The following GRID1 variants were observed in gnomAD, a reference collection of about 807,000 sequenced individuals.
GRID1 encodes glutamate receptor ionotropic, delta-1.
A neutral mutation model predicts 98.0 loss-of-function variants in GRID1; 28 were observed. The observed-to-expected ratio is 0.29, with a 90% CI of 0.21 to 0.39. The LOEUF (loss-of-function observed/expected upper bound fraction) is 0.39. Ranked by LOEUF, GRID1 falls within the 10% of genes least tolerant of loss-of-function variation. The pLI, the probability that GRID1 is intolerant of heterozygous loss-of-function variation, is 1.00. For synonymous variants in GRID1, 553 were observed against 538.5 expected, an observed-to-expected ratio of 1.03 and a Z score of -0.37; for missense variants, 1,111 against 1,340.5, an observed-to-expected ratio of 0.83 and a Z score of 2.67.
chr10:85,958,241 A>G (rs1842220009), intron 4 of GRID1, among the ~76,000 whole-genome samples: 1 of 152,214 alleles, frequency 6.6e-6, no homozygotes, highest in Middle Eastern at 3.2e-3. Context: ...ATGGCACCAT[A>G]ATCTCCTCAA....
chr10:85,737,300 C>T (rs1439773596), intron 8 of GRID1, among the ~76,000 whole-genome samples: 1 of 152,044 alleles, frequency 6.6e-6, no homozygotes, highest in Non-Finnish European at 1.5e-5. Context: ...CTATCATATA[C>T]AGGGGCTTTT....
In GRID1 at chr10:85,984,011, G is replaced by A. The variant is rs116501717; in HGVS notation, c.727-67772C>T. On this transcript the variant is annotated intron_variant, in intron 4 of 15. Transcript: ENST00000327946. ...TCCTCCATCTCCTCTGGACACGTGA[G>A]TGTCAGCCTGTCTCCTCCCCACCCT... Among the ~76,000 whole-genome samples the A allele has an allele frequency of 8.3e-3, 1,257 of 152,160 alleles. 23 individuals carry two copies. The highest frequency in any genetic ancestry group is 0.028 in the African/African-American group (1,176 of 41,510).
chr10:85,997,620 A>C (rs1419408712), intron 4 of GRID1, among the ~76,000 whole-genome samples: 1 of 152,196 alleles, frequency 6.6e-6, no homozygotes, highest in African/African-American at 2.4e-5. Context: ...AAGGAATGGT[A>C]AAAAATGTTT....
chr10:86,232,950 A>T (rs1846479403), intron 2 of GRID1, among the ~76,000 whole-genome samples: 1 of 152,202 alleles, frequency 6.6e-6, no homozygotes, highest in South Asian at 2.1e-4. Context: ...CTAATAAAAA[A>T]ATCAGGCATC....
At chr10:85,874,368 C>A (rs1487097047) in intron 5 of GRID1, among the ~76,000 whole-genome samples, 1 of 152,108 alleles carries the variant, frequency 6.6e-6, no homozygotes, top group Non-Finnish European at 1.5e-5. Flanking sequence ...CTTGCCTACA[C>A]CTGATATTGT....
chr10:85,634,249 CCTCTCTCTCT>C lies in GRID1; in HGVS notation c.2193+12943_2193+12952del, dbSNP rs775506130. 1.1e-3 allele frequency among the ~76,000 whole-genome samples: 103 copies of C among 92,376 alleles called. 1 individual carries two copies. The highest frequency in any genetic ancestry group is 3.0e-3 in the Admixed American group (23 of 7,656). The allele number at this position is 92,376 out of a possible 152,430, so 60.6% of individuals were successfully genotyped here. ...ATTCCTGCACAGCCCTGATGGGGCA[CCTCTCTCTCT>C]CTCTCTCTCTCTCTCTCTCTCTCTC... On this transcript the variant is annotated intron_variant, in intron 13 of 15. Transcript: ENST00000327946.
chr10:85,634,289 T>TCA (rs1454786709), intron 13 of GRID1, among the ~76,000 whole-genome samples: 8 of 120,062 alleles, frequency 6.7e-5, no homozygotes, highest in South Asian at 2.5e-4. Flanking sequence ...TCTCTCTCTC[T>TCA]CTCACACACA....
chr10:86,222,780 G>A (rs539914272), intron 2 of GRID1, among the ~76,000 whole-genome samples: 4 of 152,272 alleles, frequency 2.6e-5, no homozygotes, highest in South Asian at 4.1e-4. Context: ...CACAGAGCCC[G>A]AGCACTTCCC....
chr10:85,736,923 G>A (rs1181329437), intron 8 of GRID1, among the ~76,000 whole-genome samples: 1 of 152,116 alleles, frequency 6.6e-6, no homozygotes, highest in Admixed American at 6.6e-5. Flanking sequence ...TGGTAGCCAG[G>A]ATTCCTGAAG....
intron 2 of GRID1, among the ~76,000 whole-genome samples, chr10:86,316,825 G>A (rs904346059): frequency 6.6e-6 from 1 of 152,170 alleles, no homozygotes; most frequent in Non-Finnish European, 1.5e-5. Flanking sequence ...GCTTTTATAT[G>A]ATTTTCCATG....
At chr10:86,064,480 C>T (rs1355346817) in intron 4 of GRID1, among the ~76,000 whole-genome samples, 1 of 152,210 alleles carries the variant, frequency 6.6e-6, no homozygotes, top group East Asian at 1.9e-4. Flanking sequence ...ATCAGAACTC[C>T]GCATGGCTCC....
intron 8 of GRID1, among the ~76,000 whole-genome samples, chr10:85,804,419 T>A (rs1441679062): frequency 1.3e-5 from 2 of 151,938 alleles, no homozygotes; most frequent in African/African-American, 4.8e-5. Context: ...CAGGTCTACA[T>A]GGCTTTACAC....
intron 4 of GRID1, among the ~76,000 whole-genome samples, chr10:85,937,769 T>C (rs7893906): frequency 0.39 from 58,855 of 151,822 alleles, 11,690 homozygotes; most frequent in Non-Finnish European, 0.44. Flanking sequence ...GGGTCAAGGG[T>C]ATCAAATGGG....
At chr10:86,171,244 C>G (rs1845482813) in intron 3 of GRID1, among the ~76,000 whole-genome samples, 1 of 152,186 alleles carries the variant, frequency 6.6e-6, no homozygotes, top group Admixed American at 6.5e-5. Flanking sequence ...CCTTCTCAAG[C>G]TCAAGAGAAC....
rs776423859 is a variant in GRID1 at position 86,206,316 on chromosome 10, G to T, written c.520+48C>A. 1.3e-5 allele frequency: 20 copies of T among 1,546,044 alleles called. 1 individual carries two copies. In the South Asian group the frequency reaches 2.2e-4, roughly 17 times the overall value. ...CCACTCTCAGGTCTCCCAGCATCTGGCCATCCCTGTCCCCAAGCAGCCCCA... is the reference window on the plus strand; with the variant it reads ...CCACTCTCAGGTCTCCCAGCATCTGTCCATCCCTGTCCCCAAGCAGCCCCA... On this transcript the variant is annotated intron_variant, in intron 3 of 15. Coordinates refer to ENST00000327946, the MANE Select transcript of GRID1 (RefSeq NM_017551.3). The surrounding 1 kb of genome is among the most constrained non-coding windows in gnomAD (Gnocchi z 4.1).
At chr10:86,214,183 C>T (rs1307112176) in intron 2 of GRID1, among the ~76,000 whole-genome samples, 4 of 152,182 alleles carry the variant, frequency 2.6e-5, no homozygotes, top group East Asian at 1.9e-4. Flanking sequence ...TAAAACAAAA[C>T]GCACACCCTA....
intron 4 of GRID1, among the ~76,000 whole-genome samples, chr10:86,090,187 G>A (rs776063101): frequency 4.6e-5 from 7 of 152,000 alleles, no homozygotes; most frequent in Non-Finnish European, 8.8e-5. Context: ...GGAGGTCGAG[G>A]TGGGGGAATC....
chr10:85,985,472 C>T (rs1207642394), intron 4 of GRID1, among the ~76,000 whole-genome samples: 3 of 152,294 alleles, frequency 2.0e-5, no homozygotes, highest in South Asian at 2.1e-4. Flanking sequence ...TCTAACTAGA[C>T]GGTCACCTTC....
intron 2 of GRID1, among the ~76,000 whole-genome samples, chr10:86,313,705 C>T (rs1847861603): frequency 6.6e-6 from 1 of 152,192 alleles, no homozygotes; most frequent in African/African-American, 2.4e-5. Flanking sequence ...CCAGGAAATT[C>T]GTGGGAGAGG....
Sources: gnomAD v4.1 joint callset for allele counts (sites outside exome capture counted in the v4.1 genomes callset) on GRCh38, gnomAD v4.1.1 for gene constraint, Gnocchi (gnomAD v3.1) non-coding constraint, MANE v1.5 for transcripts, NCBI Gene and HGNC (gene_info 2026-07-23, HGNC 2026-07-21) for gene names.